The following DOCK3 variants were observed in gnomAD, a reference collection of about 807,000 sequenced individuals.
DOCK3 encodes dedicator of cytokinesis protein 3.
DOCK3 carries 60 observed loss-of-function variants against 265.6 expected under a neutral mutation model. The observed-to-expected ratio is 0.23, with a 90% CI of 0.18 to 0.28. The LOEUF is 0.28. DOCK3 is among the 10% of genes least tolerant of loss of function. The pLI is 1.00. For missense variants in DOCK3, 1,981 were observed against 2,594.3 expected, an observed-to-expected ratio of 0.76 and a Z score of 5.14; for synonymous variants, 881 against 938.0, an observed-to-expected ratio of 0.94 and a Z score of 1.11.
At chr3:51,219,368 A>G (rs1435983624) in intron 14 of DOCK3, among the ~76,000 whole-genome samples, 1 of 152,120 alleles carries the variant, frequency 6.6e-6, no homozygotes, top group African/African-American at 2.4e-5. Flanking sequence ...GGAATGTTGC[A>G]ATACTGGGGT....
intron 5 of DOCK3, among the ~76,000 whole-genome samples, chr3:50,996,373 A>T (rs566804914): frequency 6.7e-6 from 1 of 150,356 alleles, no homozygotes; most frequent in African/African-American, 2.5e-5. Context: ...GCCTACCACC[A>T]CGCCTGGCTA....
chr3:51,231,098 C>T (rs928629337), intron 19 of DOCK3, among the ~76,000 whole-genome samples: 158 of 148,766 alleles, frequency 1.1e-3, no homozygotes, highest in Non-Finnish European at 1.2e-3. Flanking sequence ...TCTGCAGCTT[C>T]GCCAGCATCT....
intron 22 of DOCK3, among the ~76,000 whole-genome samples, chr3:51,248,503 C>T (rs1042868861): frequency 3.3e-5 from 5 of 152,172 alleles, no homozygotes; most frequent in Non-Finnish European, 4.4e-5. Context: ...TGCTCAATGG[C>T]GCCCAGGCTG....
chr3:51,036,362 G>A (rs2080263205), intron 5 of DOCK3, among the ~76,000 whole-genome samples: 1 of 152,144 alleles, frequency 6.6e-6, no homozygotes, highest in African/African-American at 2.4e-5. Flanking sequence ...CTATAATATA[G>A]TCAATCTTTC....
rs538247080 is a variant in DOCK3 at position 50,914,440 on chromosome 3, A to G, written c.219-19541A>G. On this transcript the variant is annotated intron_variant, in intron 4 of 52. Coordinates refer to ENST00000266037, the MANE Select transcript of DOCK3 (RefSeq NM_004947.5). ...AAGAAATGTTTAAATTTTATTCTTC[A>G]CTTTTTCATTGAGACATTGTTTATT... Among the ~76,000 whole-genome samples, 74 of 152,092 alleles carry G rather than the reference A, an allele frequency of 4.9e-4. 2 individuals carry two copies. In the South Asian group the frequency reaches 0.015, roughly 31 times the overall value.
At chr3:51,099,546 T>G (rs2082998171) in intron 9 of DOCK3, among the ~76,000 whole-genome samples, 1 of 151,892 alleles carries the variant, frequency 6.6e-6, no homozygotes. Flanking sequence ...GTCTCACATA[T>G]CAAAAAAATC....
At chr3:50,924,108 G>A (rs548053733) in intron 4 of DOCK3, among the ~76,000 whole-genome samples, 9 of 152,152 alleles carry the variant, frequency 5.9e-5, no homozygotes, top group South Asian at 2.1e-4. Context: ...TGTTATCTGT[G>A]TATGCATGTT....
chr3:50,885,658 G>C (rs1392348824), intron 3 of DOCK3, among the ~76,000 whole-genome samples: 2 of 152,136 alleles, frequency 1.3e-5, no homozygotes, highest in African/African-American at 4.8e-5. Context: ...ATGCTGGTTA[G>C]GGGTGGAAGT....
intron 6 of DOCK3, among the ~76,000 whole-genome samples, chr3:51,071,204 C>G (rs2081853069): frequency 6.6e-6 from 1 of 152,108 alleles, no homozygotes; most frequent in Non-Finnish European, 1.5e-5. Context: ...AATATTGGGT[C>G]AGGATTATGT....
intron 2 of DOCK3, among the ~76,000 whole-genome samples, chr3:50,794,322 T>C (rs1316763489): frequency 6.6e-6 from 1 of 152,192 alleles, no homozygotes; most frequent in Non-Finnish European, 1.5e-5. Context: ...TTGAATACTG[T>C]CAGTGGCATG....
rs2050679031 is a variant in DOCK3 at position 50,924,864 on chromosome 3, C to T, written c.219-9117C>T. 2.0e-5 allele frequency among the ~76,000 whole-genome samples: 3 copies of T among 152,092 alleles called. No individual in the cohort carries two copies. The South Asian group carries it at 6.2e-4, about 32-fold the overall frequency. On this transcript the variant is annotated intron_variant, in intron 4 of 52. Coordinates refer to ENST00000266037, the MANE Select transcript of DOCK3 (RefSeq NM_004947.5). ...TTACAGGACACTGGGGACAATTATG[C>T]GGGTGGTGTATGGTCTAAGGAAAAT...
intron 5 of DOCK3, among the ~76,000 whole-genome samples, chr3:51,060,110 A>G (rs961148141): frequency 2.0e-5 from 3 of 152,066 alleles, no homozygotes; most frequent in Admixed American, 2.0e-4. Flanking sequence ...AATTCATTGA[A>G]CCTGCACATT....
chr3:50,984,241 G>A (rs566213456), intron 5 of DOCK3, among the ~76,000 whole-genome samples: 1 of 152,356 alleles, frequency 6.6e-6, no homozygotes, highest in South Asian at 2.1e-4. Flanking sequence ...AAGGTTTCCA[G>A]TCAGAAAAGC....
At chr3:50,889,210 A>C (rs2048518058) in intron 3 of DOCK3, among the ~76,000 whole-genome samples, 1 of 151,504 alleles carries the variant, frequency 6.6e-6, no homozygotes. Flanking sequence ...CATCCTCCCA[A>C]GTAGCTAGGA....
rs549896527 is a variant in DOCK3, at chr3:51,068,363, AC to A, written c.464+3770del. 2.8e-3 allele frequency among the ~76,000 whole-genome samples: 424 copies of A among 151,724 alleles called. 3 individuals carry two copies. The highest frequency in any genetic ancestry group is 9.8e-3 in the African/African-American group (406 of 41,374). ...AGACCATCCTGGCTAACACGGTGAA[AC>A]CCTGTCTCTACTAAAAATACAAAAA... On this transcript the variant is annotated intron_variant, in intron 6 of 52. Transcript: ENST00000266037.
chr3:51,314,900 G>A, intron 31 of DOCK3, 80 bp from the exon 32 acceptor site: 1 of 1,459,270 alleles, frequency 6.9e-7, no homozygotes, highest in Non-Finnish European at 9.1e-7. Flanking sequence ...ATGGATTGTA[G>A]CATGTGTTGT....
chr3:50,753,697 A>G (rs1334114739), intron 1 of DOCK3, among the ~76,000 whole-genome samples: 1 of 152,122 alleles, frequency 6.6e-6, no homozygotes, highest in Non-Finnish European at 1.5e-5. Flanking sequence ...AATATTTGTC[A>G]CTTTAAAGGC....
intron 3 of DOCK3, among the ~76,000 whole-genome samples, chr3:50,853,689 A>G (rs2046444407): frequency 6.6e-6 from 1 of 152,156 alleles, no homozygotes; most frequent in Admixed American, 6.6e-5. Context: ...ATATATAACC[A>G]CATGTTCTTT....
intron 22 of DOCK3, among the ~76,000 whole-genome samples, chr3:51,252,043 G>A (rs1302123754): frequency 1.3e-5 from 2 of 152,148 alleles, no homozygotes; most frequent in East Asian, 3.8e-4. Flanking sequence ...TTTGTATAAG[G>A]TGTAAGGAAG....
Sources: allele counts gnomAD v4.1 joint callset (sites outside exome capture counted in the v4.1 genomes callset), GRCh38; gene constraint gnomAD v4.1.1; transcripts MANE v1.5; gene names NCBI Gene and HGNC (gene_info 2026-07-23, HGNC 2026-07-21).